PRKG1: variants seen among roughly 807,000 people sequenced by gnomAD.
PRKG1 encodes cGMP-dependent protein kinase 1.
PRKG1 carries 35 observed loss-of-function variants against 88.1 expected under a neutral mutation model. That is an observed-to-expected ratio of 0.40 (90% CI 0.30 to 0.53). The LOEUF (loss-of-function observed/expected upper bound fraction) is 0.53, where lower values mean the gene tolerates loss of function less well. Among genes scored for constraint, PRKG1 ranks in the 20% least tolerant of loss-of-function variants. The probability of loss-of-function intolerance (pLI) is 0.59; values close to 1 mark genes in which losing one functional copy is unlikely to be tolerated. For missense variants in PRKG1, 540 were observed against 839.8 expected, an observed-to-expected ratio of 0.64 and a Z score of 4.41; for synonymous variants, 303 against 292.5, an observed-to-expected ratio of 1.04 and a Z score of -0.37.
chr10:52,023,505 T>A (rs1845243420), intron 5 of PRKG1, among the ~76,000 whole-genome samples: 1 of 152,242 alleles, frequency 6.6e-6, no homozygotes, highest in Non-Finnish European at 1.5e-5. Flanking sequence ...TCTTCCACAA[T>A]GGTTGAATTA....
intron 9 of PRKG1, among the ~76,000 whole-genome samples, chr10:52,204,403 C>A (rs1247841864): frequency 9.2e-6 from 1 of 109,068 alleles, no homozygotes; most frequent in African/African-American, 4.0e-5. Flanking sequence ...GGTTGTTATG[C>A]AGACTTGATT....
chr10:52,081,342 T>C (rs935068739), intron 7 of PRKG1, among the ~76,000 whole-genome samples: 1 of 152,166 alleles, frequency 6.6e-6, no homozygotes, highest in African/African-American at 2.4e-5. Flanking sequence ...ATTATTGAAA[T>C]CATAATAGTT....
intron 1 of PRKG1, among the ~76,000 whole-genome samples, chr10:51,015,012 C>T (rs1358452438): frequency 2.0e-5 from 3 of 152,194 alleles, no homozygotes; most frequent in Non-Finnish European, 4.4e-5. Flanking sequence ...GATAGAAACT[C>T]TCAATCATTT....
At chr10:51,775,634 G>C (rs1464882693) in intron 3 of PRKG1, among the ~76,000 whole-genome samples, 1 of 151,868 alleles carries the variant, frequency 6.6e-6, no homozygotes. Context: ...ACCCAGGCTG[G>C]AGTGCAGTGG....
At chr10:51,804,810 A>C (rs1265248684) in intron 4 of PRKG1, 120 bp downstream of exon 4, 4 of 662,130 alleles carry the variant, frequency 6.0e-6, no homozygotes, top group South Asian at 3.6e-5. Flanking sequence ...AATAGTCTAC[A>C]AATGTGTAGA....
rs191138572 is a variant in PRKG1 at position 52,184,374 on chromosome 10, A to G, written c.1076+22411A>G. Among the ~76,000 whole-genome samples the G allele has an allele frequency of 1.5e-3, 221 of 152,250 alleles. 2 individuals carry two copies. Among genetic ancestry groups the G allele is most frequent in the African/African-American group, 5.2e-3 (218 of 41,540 alleles). ...CTTAAGAATTAAAACACTCTCATCC[A>G]TATCATGATATATTATTTAATTTAG... On this transcript the variant is annotated intron_variant, in intron 9 of 17. Transcript: ENST00000373980.
intron 1 of PRKG1, among the ~76,000 whole-genome samples, chr10:51,037,638 G>A (rs1843368090): frequency 1.3e-5 from 2 of 151,896 alleles, no homozygotes; most frequent in South Asian, 4.1e-4. Context: ...ACAAAAATTA[G>A]CCAGGCATGG....
chr10:51,696,967 T>A (rs1841310143), intron 3 of PRKG1: 1 of 151,958 alleles, frequency 6.6e-6, no homozygotes, highest in African/African-American at 2.4e-5. Context: ...TTAAGTAACC[T>A]GGTTGATCTT....
intron 9 of PRKG1, among the ~76,000 whole-genome samples, chr10:52,185,418 G>A (rs916822223): frequency 1.3e-5 from 2 of 152,178 alleles, no homozygotes; most frequent in African/African-American, 4.8e-5. Flanking sequence ...CACCCCTGTG[G>A]CTTTGCAGGG....
upstream of PRKG1, among the ~76,000 whole-genome samples, chr10:51,074,125 C>A (rs1406220896): frequency 2.3e-4 from 34 of 150,334 alleles, no homozygotes; most frequent in Middle Eastern, 6.8e-3. Flanking sequence ...CGCCTCGCTC[C>A]ACCCGCACAC....
chr10:51,730,410 T>C (rs934639693), intron 3 of PRKG1, among the ~76,000 whole-genome samples: 3 of 152,224 alleles, frequency 2.0e-5, no homozygotes, highest in African/African-American at 7.2e-5. Context: ...AGAAAGGGAC[T>C]AGAAATAACG....
chr10:52,195,965 A>G (rs983253544), intron 9 of PRKG1, among the ~76,000 whole-genome samples: 6 of 152,182 alleles, frequency 3.9e-5, no homozygotes, highest in African/African-American at 1.4e-4. Context: ...GATCCCAATT[A>G]GTGATGTGTG....
intron 3 of PRKG1, among the ~76,000 whole-genome samples, chr10:51,609,041 TA>T (rs753452895): frequency 8.5e-4 from 130 of 152,118 alleles, no homozygotes; most frequent in Middle Eastern, 3.4e-3. Flanking sequence ...GTTTATAAAG[TA>T]AAAAAGTTAT....
At chr10:52,128,685 G>C (rs1837167962) in intron 7 of PRKG1, 1 of 650,332 alleles carries the variant, frequency 1.5e-6, no homozygotes, top group African/African-American at 2.0e-5. Context: ...AGCTTTGATT[G>C]TAATTACTAA....
chr10:51,085,390 T>A (rs1405756049), intron 1 of PRKG1, among the ~76,000 whole-genome samples: 1 of 151,814 alleles, frequency 6.6e-6, no homozygotes, highest in Non-Finnish European at 1.5e-5. Flanking sequence ...TTGCTAAGCC[T>A]GTGTTGACAA....
At chr10:51,925,112 C>T (rs1004485550) in intron 5 of PRKG1, among the ~76,000 whole-genome samples, 3 of 151,454 alleles carry the variant, frequency 2.0e-5, no homozygotes, top group Non-Finnish European at 2.9e-5. Flanking sequence ...TATGTTTTGC[C>T]TTTTACTATG....
At chr10:51,477,107 A>G (rs972637004) in intron 3 of PRKG1, among the ~76,000 whole-genome samples, 2 of 151,796 alleles carry the variant, frequency 1.3e-5, no homozygotes, top group African/African-American at 4.8e-5. Context: ...ATCATCTCAA[A>G]TGTTGTTTTT....
intron 5 of PRKG1, among the ~76,000 whole-genome samples, chr10:51,966,739 G>C (rs1028090992): frequency 6.6e-6 from 1 of 152,130 alleles, no homozygotes; most frequent in Admixed American, 6.6e-5. Flanking sequence ...CAGCGCCCTG[G>C]TGTGCCACTT....
At chr10:51,345,465 A>G (rs1382283059) in intron 2 of PRKG1, among the ~76,000 whole-genome samples, 1 of 152,200 alleles carries the variant, frequency 6.6e-6, no homozygotes, top group Non-Finnish European at 1.5e-5. Context: ...ATCCCAGACT[A>G]GAGCAAAACC....
Sources: gnomAD v4.1 joint callset for allele counts (sites outside exome capture counted in the v4.1 genomes callset) on GRCh38, gnomAD v4.1.1 for gene constraint, MANE v1.5 for transcripts, NCBI Gene and HGNC (gene_info 2026-07-23, HGNC 2026-07-21) for gene names.